CHRNE: variants seen among roughly 807,000 people sequenced by gnomAD.
CHRNE encodes cholinergic receptor nicotinic epsilon subunit.
CHRNE carries 58 observed loss-of-function variants against 56.5 expected under a neutral mutation model. The observed-to-expected ratio is 1.03, with a 90% CI of 0.83 to 1.28. The LOEUF (loss-of-function observed/expected upper bound fraction) is 1.28. Among genes scored for constraint, CHRNE ranks in the 50% most tolerant of loss-of-function variants. The pLI is 0.00. For synonymous variants in CHRNE, 385 were observed against 297.9 expected, an observed-to-expected ratio of 1.29 and a Z score of -3.01; for missense variants, 793 against 688.9, an observed-to-expected ratio of 1.15 and a Z score of -1.69.
Position 4,899,179 on chromosome 17 carries a change from CCA to C in CHRNE, c.1219+17_1219+18del. On this transcript the variant is annotated intron_variant, in intron 10 of 11. Coordinates refer to ENST00000649488, the MANE Select transcript of CHRNE (RefSeq NM_000080.4). Reference sequence around the variant, plus strand: ...CAGGCACCCCGCGCGGCCCCCCGGGCCAGGGCCACTGTGCTCACCCGTCCAGG... The same window carrying C: ...CAGGCACCCCGCGCGGCCCCCCGGGCGGGCCACTGTGCTCACCCGTCCAGG... The C allele has an allele frequency of 1.5e-6, 2 of 1,347,446 alleles. No homozygotes were observed. The highest frequency in any genetic ancestry group is 1.0e-6 in the Non-Finnish European group (1 of 973,518). The allele number at this position is 1,347,446 out of a possible 1,614,324, so 83.5% of individuals were successfully genotyped here. A position where few individuals can be genotyped will look rare whatever the true frequency, so the allele number is the denominator to read the frequency against.
Position 4,899,522 on chromosome 17 carries a change from G to A in CHRNE, c.978C>T (p.Leu326=), listed in dbSNP as rs1969881526. The A allele has an allele frequency of 6.2e-7, 1 of 1,604,824 alleles. No homozygotes were observed. Among genetic ancestry groups the A allele is most frequent in the Non-Finnish European group, 8.5e-7 (1 of 1,176,848 alleles). Residue 326 remains leucine (L), a synonymous_variant, in exon 9 of 12, where the codon CTC becomes CTT. Coordinates refer to ENST00000649488, the MANE Select transcript of CHRNE (RefSeq NM_000080.4). Reference sequence around the variant, plus strand: ...TGGTGGGCGTCCGCTGGGACACGTTGAGCACGATGACGCAATTCATGACAA... The same window carrying A: ...TGGTGGGCGTCCGCTGGGACACGTTAAGCACGATGACGCAATTCATGACAA... The part of the protein sequence containing the change: ...TLIVMNCVIV[L]NVSQRTPTTH...
At position 4,898,655 on chromosome 17, in the gene CHRNE, A is replaced by T. The variant is rs1274655594; in HGVS notation, c.*81T>A. 7.9e-6 allele frequency: 12 copies of T among 1,520,262 alleles called. No individual in the cohort carries two copies. The highest frequency in any genetic ancestry group is 6.2e-6 in the Non-Finnish European group (7 of 1,122,754). 94.2% of individuals were successfully genotyped at this position (1,520,262 alleles called of 1,614,324 possible). On this transcript the variant is annotated 3_prime_UTR_variant, in exon 12 of 12. Transcript: ENST00000649488. ...GATTGATCAGCAGGGGGAAGGGATC[A>T]TAATGCCGTGGTGGCGGCAGCCTAC...
chr17:4,900,773 C>T lies in CHRNE; in HGVS notation c.917+20G>A, dbSNP rs1184080211. The T allele has an allele frequency of 6.2e-7, 1 of 1,607,602 alleles. No individual in the cohort carries two copies. The highest frequency in any genetic ancestry group is 8.5e-7 in the Non-Finnish European group (1 of 1,176,386). On this transcript the variant is annotated intron_variant, in intron 8 of 11. Transcript: ENST00000649488. Reference sequence around the variant, plus strand: ...CCACCCTTCACACTGGCCACACCCCCGCGGGGGCTCCGGCTTCACCTGCCC... The same window carrying T: ...CCACCCTTCACACTGGCCACACCCCTGCGGGGGCTCCGGCTTCACCTGCCC...
rs1248647328 is a variant in CHRNE at position 4,901,148 on chromosome 17, C to T, written c.644G>A (p.Arg215His). ...WAIDFCPGVI[R>H]RHHGGATDGP... ...GTCGGTGGCGCCACCGTGGTGGCGG[C>T]GGATCACCCCCGGGCAGAAGTCGAT... The change falls in exon 7 of 12, where the codon CGC (arginine) becomes CAC (histidine). Residue 215 changes from arginine to histidine, a missense_variant. By Grantham distance (29) the Arg-to-His change is conservative (BLOSUM62 0). Transcript: ENST00000649488. 2.5e-6 allele frequency: 4 copies of T among 1,610,768 alleles called. No individual in the cohort carries two copies. The highest frequency in any genetic ancestry group is 2.2e-5 in the East Asian group (1 of 44,850).
intron 8 of CHRNE, chr17:4,900,498 G>T: frequency 1.9e-6 from 3 of 1,550,992 alleles, no homozygotes; most frequent in Non-Finnish European, 2.6e-6. Context: ...CGGAATCCCC[G>T]GAGAACCGGT....
rs750784391 is a variant in CHRNE, at chr17:4,901,954, G to T, written c.478C>A (p.Gln160Lys). 1.9e-6 allele frequency: 3 copies of T among 1,613,596 alleles called. No homozygotes were observed. In the South Asian group the frequency reaches 3.3e-5, roughly 18 times the overall value. Reference protein sequence around the residue: ...VEVTYFPFDWQNCSLIFRSQT... With the variant: ...VEVTYFPFDWKNCSLIFRSQT... ...CACCGGAAAATAAGCGAACAGTTCT[G>T]CCAATCGAAGGGGAAGTAGGTGACC... Residue 160 changes from glutamine to lysine, a missense_variant, in exon 5 of 12, where the codon CAG (glutamine) becomes AAG (lysine). By Grantham distance (53) the Gln-to-Lys change is moderately conservative (BLOSUM62 1). Transcript: ENST00000649488.
rs1249822673 is a variant in CHRNE, at chr17:4,901,065, A to T, written c.727T>A (p.Tyr243Asn). ...SLIIRRKPLF[Y>N]VINIIVPCVL... ...CAGGGCACGATGATGTTAATGACGTAGAAGAGCGGCTTCCGGCGGATGATG... is the reference window on the plus strand; with the variant it reads ...CAGGGCACGATGATGTTAATGACGTTGAAGAGCGGCTTCCGGCGGATGATG... Residue 243 changes from tyrosine (Y) to asparagine (N), a missense_variant, in exon 7 of 12, where the codon TAC becomes AAC. Tyr to Asn is a moderately radical substitution (Grantham distance 143). Coordinates refer to ENST00000649488, the MANE Select transcript of CHRNE (RefSeq NM_000080.4). 6.2e-7 allele frequency: 1 copy of T among 1,614,024 alleles called. No homozygotes were observed. Among genetic ancestry groups the T allele is most frequent in the Non-Finnish European group, 8.5e-7 (1 of 1,179,988 alleles).
upstream of CHRNE, among the ~76,000 whole-genome samples, chr17:4,907,079 G>A (rs1195495459): frequency 2.0e-5 from 3 of 152,152 alleles, no homozygotes; most frequent in Admixed American, 6.5e-5. Flanking sequence ...GGATGGTGGG[G>A]ATGGTTAATG....
chr17:4,901,233 G>A lies in CHRNE; in HGVS notation c.602-43C>T, dbSNP rs1450618945. On this transcript the variant is annotated intron_variant, in intron 6 of 11. Coordinates refer to ENST00000649488, the MANE Select transcript of CHRNE (RefSeq NM_000080.4). Reference sequence around the variant, plus strand: ...GGTCAGCTGGCTGTCAGAGCGGGGCGCCCGCCGAGCTGACAGCGGGCTGAA... The same window carrying A: ...GGTCAGCTGGCTGTCAGAGCGGGGCACCCGCCGAGCTGACAGCGGGCTGAA... The A allele has an allele frequency of 7.6e-6, 12 of 1,582,224 alleles. No homozygotes were observed. The South Asian group carries it at 1.0e-4, about 13-fold the overall frequency.
chr17:4,908,046 T>C (rs1970113582), upstream of CHRNE, among the ~76,000 whole-genome samples: 1 of 152,070 alleles, frequency 6.6e-6, no homozygotes, highest in African/African-American at 2.4e-5. Context: ...GGATTACACC[T>C]GTAATCCCAG....
chr17:4,898,364 G>A lies in CHRNE; in HGVS notation c.*372C>T, dbSNP rs1329456698. The A allele has an allele frequency of 3.0e-6, 1 of 335,404 alleles. No homozygotes were observed. Among genetic ancestry groups the A allele is most frequent in the African/African-American group, 2.1e-5 (1 of 46,804 alleles). The allele number at this position is 335,404 out of a possible 1,614,324, so 20.8% of individuals were successfully genotyped here. A position where few individuals can be genotyped will look rare whatever the true frequency, so the allele number is the denominator to read the frequency against. On this transcript the variant is annotated 3_prime_UTR_variant, in exon 12 of 12. Coordinates refer to ENST00000649488, the MANE Select transcript of CHRNE (RefSeq NM_000080.4). ...CTGGCTACAGCCTCCCTGTGTGCAA[G>A]TCCTGCAAAGGGGTCTCCTGTTTGG...
chr17:4,902,209 G>T lies in CHRNE; in HGVS notation c.344+8C>A. ...TCCCTCCAGCCTGGCGTCTGGCCCG[G>T]TTCTCACTTGTTTTCCAGCACAATC... is the stretch of plus-strand genomic sequence containing the variant. On this transcript the variant is annotated splice_region_variant and intron_variant, in intron 4 of 11. Coordinates refer to ENST00000649488, the MANE Select transcript of CHRNE (RefSeq NM_000080.4). The surrounding 1 kb of genome is among the most constrained non-coding windows in gnomAD (Gnocchi z 4.0). 6.2e-7 allele frequency: 1 copy of T among 1,613,956 alleles called. No individual in the cohort carries two copies. The highest frequency in any genetic ancestry group is 1.3e-5 in the African/African-American group (1 of 75,020).
Position 4,898,688 on chromosome 17 carries a change from A to C in CHRNE, c.*48T>G. On this transcript the variant is annotated 3_prime_UTR_variant, in exon 12 of 12. Coordinates refer to ENST00000649488, the MANE Select transcript of CHRNE (RefSeq NM_000080.4). ...GTGGTGGCGGCAGCCTACTTTTTCA[A>C]AATCAATTTCCTACTGGAGATGGGT... is the stretch of plus-strand genomic sequence containing the variant. 1.9e-6 allele frequency: 3 copies of C among 1,585,142 alleles called. No homozygotes were observed. The highest frequency in any genetic ancestry group is 2.6e-6 in the Non-Finnish European group (3 of 1,166,796).
At chr17:4,898,978 C>T (rs2151093831) in intron 11 of CHRNE, 23 bp downstream of exon 11, 1 of 1,282,048 alleles carries the variant, frequency 7.8e-7, no homozygotes, top group Non-Finnish European at 1.0e-6. Context: ...CCTCGCTCCA[C>T]CCGCCTCTGG....
chr17:4,905,397 TAAAC>T (rs1970079504), upstream of CHRNE, among the ~76,000 whole-genome samples: 2 of 151,422 alleles, frequency 1.3e-5, no homozygotes, highest in South Asian at 2.1e-4. Context: ...CAAAAATAAA[TAAAC>T]AACAACAAAA....
upstream of CHRNE, among the ~76,000 whole-genome samples, chr17:4,904,550 C>A (rs539889281): frequency 5.3e-5 from 8 of 152,292 alleles, no homozygotes; most frequent in East Asian, 1.9e-4. Flanking sequence ...AGCATATTTT[C>A]TGCTTACATC....
rs1597615227 is a variant in CHRNE, at chr17:4,899,479, G to A, written c.1021C>T (p.Arg341Trp). The change falls in exon 9 of 12, where the codon CGG (arginine) becomes TGG (tryptophan). Residue 341 changes from arginine to tryptophan, a missense_variant. Coordinates refer to ENST00000649488, the MANE Select transcript of CHRNE (RefSeq NM_000080.4). ...RTPTTHAMSP[R>W]LRHVLLELLP... ...CCCTCCGCGCTTACGTGGCGCAGCC[G>A]CGGGGACATGGCGTGGGTGGTGGGC... 1.9e-6 allele frequency: 3 copies of A among 1,596,154 alleles called. No homozygotes were observed. The highest frequency in any genetic ancestry group is 1.3e-5 in the African/African-American group (1 of 74,870).
Position 4,898,896 on chromosome 17 carries a change from G to T in CHRNE, c.1327-5C>A, listed in dbSNP as rs2151093607. On this transcript the variant is annotated splice_polypyrimidine_tract_variant and splice_region_variant and intron_variant, in intron 11 of 11. Coordinates refer to ENST00000649488, the MANE Select transcript of CHRNE (RefSeq NM_000080.4). ...GCGCACCCAGTCGGACACTTCCTGG[G>T]GAAGGGTCGGCACAGTCAGTAAAGA... The T allele has an allele frequency of 6.3e-7, 1 of 1,575,012 alleles. No individual in the cohort carries two copies. Among genetic ancestry groups the T allele is most frequent in the Middle Eastern group, 1.7e-4 (1 of 6,014 alleles).
At chr17:4,900,446 GTC>G (rs1251986390) in intron 8 of CHRNE, 1 of 1,551,112 alleles carries the variant, frequency 6.4e-7, no homozygotes, top group South Asian at 1.2e-5. Context: ...GTCTGCAGGG[GTC>G]TGCCTCATTC....
Sources: allele counts gnomAD v4.1 joint callset (sites outside exome capture counted in the v4.1 genomes callset), GRCh38; gene constraint gnomAD v4.1.1; non-coding constraint Gnocchi (gnomAD v3.1); transcripts MANE v1.5; gene names NCBI Gene and HGNC (gene_info 2026-07-23, HGNC 2026-07-21).